TULP4: variants seen among roughly 807,000 people sequenced by gnomAD.
The protein encoded by TULP4 is TUB like protein 4.
Under a neutral mutation model 129.0 loss-of-function variants are expected in TULP4, and 16 were observed. The ratio of observed to expected loss-of-function variants is 0.12; its 90% confidence interval spans 0.08 to 0.19. The LOEUF (loss-of-function observed/expected upper bound fraction) is 0.19. Among genes scored for constraint, TULP4 ranks in the 10% least tolerant of loss-of-function variants. The pLI is 1.00. For missense variants in TULP4, 1,842 were observed against 2,059.1 expected, an observed-to-expected ratio of 0.89 and a Z score of 2.04; for synonymous variants, 998 against 854.0, an observed-to-expected ratio of 1.17 and a Z score of -2.94.
chr6:158,428,570 G>A (rs1778556032), intron 2 of TULP4, among the ~76,000 whole-genome samples: 1 of 152,026 alleles, frequency 6.6e-6, no homozygotes, highest in Admixed American at 6.6e-5. Context: ...AGATGCAATA[G>A]CATTTGATAA....
chr6:158,477,416 A>C lies in TULP4; in HGVS notation c.1027-2335A>C, dbSNP rs142675898. Among the ~76,000 whole-genome samples, 391 of 152,268 alleles carry C rather than the reference A, an allele frequency of 2.6e-3. 5 individuals are homozygous for C. Among genetic ancestry groups the C allele is most frequent in the African/African-American group, 9.2e-3 (381 of 41,546 alleles). ...GCCAGTCAGGTTGTGCTCATTGAAA[A>C]CTGTTTTTCCAAACAACCTCATTAA... On this transcript the variant is annotated intron_variant, in intron 6 of 13. Coordinates refer to ENST00000367097, the MANE Select transcript of TULP4 (RefSeq NM_020245.5).
chr6:158,320,518 GC>G (rs1267542878), intron 1 of TULP4, among the ~76,000 whole-genome samples: 2 of 149,302 alleles, frequency 1.3e-5, no homozygotes, highest in Non-Finnish European at 3.0e-5. Flanking sequence ...TGCAACCTCC[GC>G]CCCCCAGGTT....
At chr6:158,362,350 AT>A (rs61368718) in intron 1 of TULP4, among the ~76,000 whole-genome samples, 102,669 of 150,354 alleles carry the variant, frequency 0.68, 35,086 homozygotes, top group South Asian at 0.81. Flanking sequence ...ACATTGAAGG[AT>A]TTTTTTTTTT....
At chr6:158,276,501 C>T (rs926568520) in intron 1 of TULP4, among the ~76,000 whole-genome samples, 5 of 151,054 alleles carry the variant, frequency 3.3e-5, no homozygotes, top group Non-Finnish European at 7.4e-5. Context: ...GACATGGAGT[C>T]TCACACTGGT....
chr6:158,366,147 C>A (rs1192596587), intron 1 of TULP4, among the ~76,000 whole-genome samples: 1 of 151,954 alleles, frequency 6.6e-6, no homozygotes, highest in Non-Finnish European at 1.5e-5. Context: ...TCGTGATCTG[C>A]CCACCTTGAC....
chr6:158,471,911 T>C (rs965845328), intron 6 of TULP4, among the ~76,000 whole-genome samples: 7 of 152,252 alleles, frequency 4.6e-5, no homozygotes, highest in Non-Finnish European at 1.0e-4. Context: ...GCTGGCTTTT[T>C]ATAAGGCTTT....
chr6:158,238,058 C>G, intron 1 of TULP4: 1 of 703,758 alleles, frequency 1.4e-6, no homozygotes, highest in South Asian at 1.5e-5. Context: ...GTGAAGACAT[C>G]AGTGGTACTA....
chr6:158,462,549 A>G (rs906871682), intron 6 of TULP4, among the ~76,000 whole-genome samples: 1 of 141,718 alleles, frequency 7.1e-6, no homozygotes, highest in Admixed American at 7.0e-5. Flanking sequence ...AATTTTTTGT[A>G]TTTTTACTAG....
intron 1 of TULP4, among the ~76,000 whole-genome samples, chr6:158,395,386 GC>G (rs559235736): frequency 9.3e-4 from 141 of 151,954 alleles, no homozygotes; most frequent in Middle Eastern, 3.2e-3. Flanking sequence ...TTTGAGACCA[GC>G]CTGACCAGCA....
At chr6:158,372,368 A>G (rs1029589374) in intron 1 of TULP4, among the ~76,000 whole-genome samples, 3 of 152,030 alleles carry the variant, frequency 2.0e-5, no homozygotes, top group African/African-American at 7.2e-5. Context: ...AGAGAGATGG[A>G]AATGGATTTT....
At chr6:158,401,199 A>G (rs1377007989) in intron 1 of TULP4, among the ~76,000 whole-genome samples, 2 of 151,886 alleles carry the variant, frequency 1.3e-5, no homozygotes, top group East Asian at 3.9e-4. Flanking sequence ...TCAGCCTCCC[A>G]AGTAGCTGGG....
At chr6:158,482,836 A>G (rs1203598517) in intron 8 of TULP4, among the ~76,000 whole-genome samples, 1 of 152,184 alleles carries the variant, frequency 6.6e-6, no homozygotes, top group Admixed American at 6.5e-5. Context: ...AAGAAGACGG[A>G]CCGGAGGCTG....
chr6:158,426,109 G>C (rs1778485676), intron 2 of TULP4, among the ~76,000 whole-genome samples: 1 of 152,156 alleles, frequency 6.6e-6, no homozygotes, highest in South Asian at 2.1e-4. Context: ...TATCCTTATA[G>C]ATGCTGTATA....
At chr6:158,261,757 G>A (rs1376165147) in intron 1 of TULP4, among the ~76,000 whole-genome samples, 3 of 152,114 alleles carry the variant, frequency 2.0e-5, no homozygotes, top group African/African-American at 7.2e-5. Context: ...GGCTCCTGCT[G>A]ATCAGGGTTC....
In TULP4 at chr6:158,493,750, C is replaced by G; in HGVS notation, c.1776+33C>G. ...CCCCCAGTTACCCTGCCTTGCTCCC[C>G]TCCTCCTGGGGGCTATGCCCAGAGG... On this transcript the variant is annotated intron_variant, in intron 10 of 13. Transcript: ENST00000367097. This position sits in a 1 kb window ranked among gnomAD's most constrained non-coding sequence, Gnocchi z 4.4. The G allele has an allele frequency of 4.6e-6, 7 of 1,511,038 alleles. No homozygotes were observed. The highest frequency in any genetic ancestry group is 6.2e-6 in the Non-Finnish European group (7 of 1,128,160). The allele number at this position is 1,511,038 out of a possible 1,614,324, so 93.6% of individuals were successfully genotyped here.
At chr6:158,360,764 G>A (rs1780767251) in intron 1 of TULP4, among the ~76,000 whole-genome samples, 1 of 152,204 alleles carries the variant, frequency 6.6e-6, no homozygotes, top group Admixed American at 6.5e-5. Flanking sequence ...CTGAGCAAGT[G>A]AAACCCTACC....
chr6:158,402,134 A>T (rs1777865490), intron 1 of TULP4, among the ~76,000 whole-genome samples: 1 of 152,258 alleles, frequency 6.6e-6, no homozygotes. Flanking sequence ...TGAGCTTCTC[A>T]GAAGTCTAAA....
At chr6:158,379,488 A>T (rs1777275378) in intron 1 of TULP4, among the ~76,000 whole-genome samples, 1 of 152,358 alleles carries the variant, frequency 6.6e-6, no homozygotes, top group East Asian at 1.9e-4. Context: ...GGGCATGTCC[A>T]CAACGATGGG....
chr6:158,240,630 C>T lies in TULP4; in HGVS notation n.68+8327C>T, dbSNP rs1333002629. ...GGCGCCCCTCACCTCCCAGACGGGGCGGCTGGCCGGGTGGAGGCTGACCCC... is the reference window on the plus strand; with the variant it reads ...GGCGCCCCTCACCTCCCAGACGGGGTGGCTGGCCGGGTGGAGGCTGACCCC... On this transcript the variant is annotated intron_variant and non_coding_transcript_variant, in intron 1 of 1. Transcript: ENST00000620026. Among the ~76,000 whole-genome samples the T allele has an allele frequency of 5.2e-4, 54 of 103,120 alleles. 6 individuals carry two copies. Among genetic ancestry groups the T allele is most frequent in the African/African-American group, 1.4e-3 (46 of 32,508 alleles). 67.7% of individuals were successfully genotyped at this position (103,120 alleles called of 152,430 possible). A position where few individuals can be genotyped will look rare whatever the true frequency, so the allele number is the denominator to read the frequency against.
Sources: gnomAD v4.1 joint callset for allele counts (sites outside exome capture counted in the v4.1 genomes callset) on GRCh38, gnomAD v4.1.1 for gene constraint, Gnocchi (gnomAD v3.1) non-coding constraint, MANE v1.5 for transcripts, NCBI Gene and HGNC (gene_info 2026-07-23, HGNC 2026-07-21) for gene names.